The following LRRTM4 variants were observed in gnomAD, a reference collection of about 807,000 sequenced individuals.
LRRTM4 encodes leucine-rich repeat transmembrane neuronal protein 4.
In LRRTM4, 25 loss-of-function variants were observed where a neutral mutation model predicts 47.6. That is an observed-to-expected ratio of 0.53 (90% CI 0.38 to 0.73). The LOEUF (loss-of-function observed/expected upper bound fraction) is 0.73, where lower values mean the gene tolerates loss of function less well. LRRTM4 is among the 30% of genes least tolerant of loss of function. The pLI, the probability that LRRTM4 is intolerant of heterozygous loss-of-function variation, is 0.00. For missense variants in LRRTM4, 638 were observed against 713.4 expected, an observed-to-expected ratio of 0.89 and a Z score of 1.20; for synonymous variants, 311 against 269.5, an observed-to-expected ratio of 1.15 and a Z score of -1.51.
intron 3 of LRRTM4, among the ~76,000 whole-genome samples, chr2:76,935,845 C>A (rs376357595): frequency 1.3e-5 from 2 of 152,250 alleles, no homozygotes; most frequent in Non-Finnish European, 2.9e-5. Context: ...CTCTCCCTTG[C>A]CTGAATGTGC....
chr2:77,138,501 T>C (rs1489260326), intron 3 of LRRTM4, among the ~76,000 whole-genome samples: 1 of 151,994 alleles, frequency 6.6e-6, no homozygotes. Context: ...TAGCACCAAA[T>C]GCCCACAAGA....
intron 3 of LRRTM4, among the ~76,000 whole-genome samples, chr2:76,980,909 A>C (rs987044319): frequency 2.0e-5 from 3 of 152,072 alleles, no homozygotes; most frequent in African/African-American, 7.2e-5. Flanking sequence ...GGAGGATTAC[A>C]TCTCCTATGA....
chr2:76,783,491 A>G (rs942425370), intron 3 of LRRTM4, among the ~76,000 whole-genome samples: 1 of 152,078 alleles, frequency 6.6e-6, no homozygotes, highest in African/African-American at 2.4e-5. Context: ...TACCTCCAGA[A>G]CTCTTCATCT....
chr2:76,867,650 T>C (rs1301546270), intron 3 of LRRTM4, among the ~76,000 whole-genome samples: 1 of 152,192 alleles, frequency 6.6e-6, no homozygotes, highest in Non-Finnish European at 1.5e-5. Context: ...CCAATAGCAA[T>C]ATACTCCATC....
intron 3 of LRRTM4, among the ~76,000 whole-genome samples, chr2:77,141,218 A>G (rs943367052): frequency 1.3e-5 from 2 of 151,890 alleles, no homozygotes; most frequent in African/African-American, 2.4e-5. Context: ...ACTTGTAACC[A>G]ACCCAAATGT....
At chr2:77,381,933 A>G (rs1673069676) in intron 3 of LRRTM4, among the ~76,000 whole-genome samples, 1 of 152,098 alleles carries the variant, frequency 6.6e-6, no homozygotes, top group Non-Finnish European at 1.5e-5. Context: ...ACATATAATA[A>G]ATAACAAACA....
intron 3 of LRRTM4, among the ~76,000 whole-genome samples, chr2:77,110,133 T>TA (rs1170379767): frequency 1.3e-5 from 2 of 152,044 alleles, no homozygotes; most frequent in Non-Finnish European, 2.9e-5. Context: ...GTAAGCAGGA[T>TA]AAAAAAGTGA....
At chr2:77,192,430 A>G (rs1673695537) in intron 3 of LRRTM4, among the ~76,000 whole-genome samples, 1 of 152,176 alleles carries the variant, frequency 6.6e-6, no homozygotes. Flanking sequence ...AATTTAAAAA[A>G]AAATTAGTAT....
Position 76,832,477 on chromosome 2 carries a change from T to G in LRRTM4, c.1552-83561A>C, listed in dbSNP as rs1573182943. Among the ~76,000 whole-genome samples, 5 of 131,442 alleles carry G rather than the reference T, an allele frequency of 3.8e-5. No homozygotes were observed. In the South Asian group the frequency reaches 1.3e-3, roughly 33 times the overall value. 86.2% of individuals were successfully genotyped at this position (131,442 alleles called of 152,430 possible). ...GGCTTTTTTTTTTTTTTTTTTTTTT[T>G]GTCTACACTGCTTAATAGGGTAGAG... is the stretch of plus-strand genomic sequence containing the variant. On this transcript the variant is annotated intron_variant, in intron 3 of 3. Transcript: ENST00000409884.
intron 3 of LRRTM4, among the ~76,000 whole-genome samples, chr2:77,462,709 A>C (rs1423640760): frequency 6.6e-6 from 1 of 152,142 alleles, no homozygotes; most frequent in African/African-American, 2.4e-5. Context: ...ACTCCCAAGC[A>C]AAGGCTTTTA....
intron 3 of LRRTM4, among the ~76,000 whole-genome samples, chr2:77,129,820 T>G (rs1218927065): frequency 6.6e-6 from 1 of 152,208 alleles, no homozygotes. Context: ...TATTACTTAA[T>G]CTGACTCTCT....
intron 3 of LRRTM4, among the ~76,000 whole-genome samples, chr2:77,023,709 T>C (rs1269354696): frequency 6.6e-6 from 1 of 152,198 alleles, no homozygotes; most frequent in Non-Finnish European, 1.5e-5. Flanking sequence ...CATCTCCATT[T>C]GAGGCCACCT....
intron 3 of LRRTM4, among the ~76,000 whole-genome samples, chr2:77,417,069 G>A (rs573128362): frequency 1.3e-3 from 189 of 150,946 alleles, no homozygotes; most frequent in African/African-American, 4.0e-3. Context: ...CAACCCCATC[G>A]AAAAGTGGGC....
chr2:77,362,133 G>GA (rs145995057), intron 3 of LRRTM4, among the ~76,000 whole-genome samples: 3,543 of 115,504 alleles, frequency 0.031, 90 homozygotes, highest in East Asian at 0.15. Context: ...AAGAAAGAAA[G>GA]AAAGAAAGAA....
At chr2:77,222,322 C>G (rs1244080300) in intron 3 of LRRTM4, among the ~76,000 whole-genome samples, 1 of 152,104 alleles carries the variant, frequency 6.6e-6, no homozygotes, top group Non-Finnish European at 1.5e-5. Flanking sequence ...CAAACACATT[C>G]AAAAGCTAGC....
At chr2:77,112,112 C>T (rs1260483464) in intron 3 of LRRTM4, among the ~76,000 whole-genome samples, 1 of 152,066 alleles carries the variant, frequency 6.6e-6, no homozygotes, top group Non-Finnish European at 1.5e-5. Context: ...GTGAAAATTA[C>T]CCTGGGAAAT....
intron 3 of LRRTM4, among the ~76,000 whole-genome samples, chr2:77,059,469 C>T (rs888951501): frequency 7.0e-6 from 1 of 143,586 alleles, no homozygotes; most frequent in Non-Finnish European, 1.5e-5. Context: ...AGAGTCAACA[C>T]AAGCTCGTTG....
intron 3 of LRRTM4, among the ~76,000 whole-genome samples, chr2:77,409,815 T>A (rs190846895): frequency 5.9e-5 from 9 of 152,290 alleles, no homozygotes; most frequent in Middle Eastern, 3.4e-3. Flanking sequence ...CAACCCAGAA[T>A]AGAAAATAAC....
chr2:77,052,980 C>T (rs1679489677), intron 3 of LRRTM4, among the ~76,000 whole-genome samples: 1 of 148,518 alleles, frequency 6.7e-6, no homozygotes, highest in East Asian at 1.9e-4. Flanking sequence ...AGGAGAAAGG[C>T]TAAAAAAAAA....
Sources: gnomAD v4.1 joint callset for allele counts (sites outside exome capture counted in the v4.1 genomes callset) on GRCh38, gnomAD v4.1.1 for gene constraint, MANE v1.5 for transcripts, NCBI Gene and HGNC (gene_info 2026-07-23, HGNC 2026-07-21) for gene names.